WDR44: variants seen among roughly 807,000 people sequenced by gnomAD.
WDR44 encodes the protein WD repeat domain 44.
A neutral mutation model predicts 65.7 loss-of-function variants in WDR44; 9 were observed. The observed-to-expected ratio is 0.14, with a 90% CI of 0.08 to 0.24. WDR44 has a LOEUF of 0.24. Ranked by LOEUF, WDR44 falls within the 10% of genes least tolerant of loss-of-function variation. WDR44 has a pLI of 1.00. For missense variants in WDR44, 425 were observed against 670.9 expected, an observed-to-expected ratio of 0.63 and a Z score of 4.05; for synonymous variants, 220 against 235.2, an observed-to-expected ratio of 0.94 and a Z score of 0.59.
intron 2 of WDR44, among the ~76,000 whole-genome samples, chrX:118,381,800 C>T: frequency 9.2e-6 from 1 of 108,835 alleles, no homozygotes; most frequent in East Asian, 2.9e-4. Flanking sequence ...CTCAAATGAC[C>T]TCAAGTGATC....
At chrX:118,426,818 CA>C (rs2057161300) in intron 12 of WDR44, among the ~76,000 whole-genome samples, 1 of 109,585 alleles carries the variant, frequency 9.1e-6, no homozygotes, top group Admixed American at 9.7e-5. Flanking sequence ...AAAAATAGAA[CA>C]AAAAACAAAA....
intron 12 of WDR44, among the ~76,000 whole-genome samples, chrX:118,417,920 T>G (rs184358046): frequency 1.5e-3 from 169 of 112,199 alleles, no homozygotes; most frequent in Non-Finnish European, 1.3e-3. Flanking sequence ...TGGGTTAATT[T>G]GAAGACCTTG....
At chrX:118,377,314 C>T (rs373398352) in intron 1 of WDR44, among the ~76,000 whole-genome samples, 4 of 110,490 alleles carry the variant, frequency 3.6e-5, no homozygotes, top group Admixed American at 2.9e-4. Flanking sequence ...GAGCCAAGAT[C>T]ACACCACTGC....
intron 19 of WDR44, among the ~76,000 whole-genome samples, chrX:118,448,266 T>TA (rs1436849105): frequency 8.9e-6 from 1 of 111,987 alleles, no homozygotes; most frequent in Non-Finnish European, 1.9e-5. Context: ...CACCTATGTA[T>TA]AATAGAGTTA....
intron 12 of WDR44, among the ~76,000 whole-genome samples, chrX:118,419,397 T>C (rs2057085139): frequency 8.9e-6 from 1 of 112,051 alleles, no homozygotes; most frequent in East Asian, 2.8e-4. Flanking sequence ...GCTCTCTAAA[T>C]TGACTCAGCT....
At chrX:118,353,325 GT>G (rs1433973454) in intron 1 of WDR44, among the ~76,000 whole-genome samples, 1 of 111,781 alleles carries the variant, frequency 8.9e-6, no homozygotes, top group South Asian at 3.7e-4. Context: ...CAACCCTGAT[GT>G]TTTTCCTCAG....
At chrX:118,404,031 C>T (rs1456056516) in intron 8 of WDR44, among the ~76,000 whole-genome samples, 1 of 111,943 alleles carries the variant, frequency 8.9e-6, no homozygotes, top group African/African-American at 3.2e-5. Flanking sequence ...GCTGAAGTAC[C>T]TACACTTTAA....
At chrX:118,374,007 T>C (rs1420273328) in intron 1 of WDR44, among the ~76,000 whole-genome samples, 1 of 110,754 alleles carries the variant, frequency 9.0e-6, no homozygotes, top group Non-Finnish European at 1.9e-5. Flanking sequence ...GTTACGTAGA[T>C]ATACATGTGT....
Position 118,346,180 on chromosome X carries a change from G to C in WDR44, c.-324G>C. On this transcript the variant is annotated 5_prime_UTR_variant, in exon 1 of 20. Coordinates refer to ENST00000254029, the MANE Select transcript of WDR44 (RefSeq NM_019045.5). ...GGGAGAAACTGGAGCCGCTGTAGCC[G>C]GCGCGCCCTTCTTCCCTTACTGCGA... is the stretch of plus-strand genomic sequence containing the variant. 3.3e-6 allele frequency: 1 copy of C among 303,718 alleles called. No homozygotes were observed. The highest frequency in any genetic ancestry group is 5.8e-6 in the Non-Finnish European group (1 of 173,854). 25.0% of individuals were successfully genotyped at this position (303,718 alleles called of 1,213,427 possible). A position where few individuals can be genotyped will look rare whatever the true frequency, so the allele number is the denominator to read the frequency against.
intron 1 of WDR44, among the ~76,000 whole-genome samples, chrX:118,369,273 G>A (rs1041861578): frequency 9.2e-6 from 1 of 108,799 alleles, no homozygotes; most frequent in Non-Finnish European, 1.9e-5. Flanking sequence ...CCGGGTTCAC[G>A]CCATTCTCCT....
intron 8 of WDR44, 53 bp downstream of exon 8, chrX:118,398,523 A>G (rs1602922840): frequency 3.1e-6 from 3 of 980,073 alleles, no homozygotes; most frequent in South Asian, 2.0e-5. Flanking sequence ...TTAAAAAAAT[A>G]TGAGAACTAC....
At chrX:118,394,217 C>G (rs763040091) in intron 5 of WDR44, 32 bp downstream of exon 5, 23 of 1,200,191 alleles carry the variant, frequency 1.9e-5, no homozygotes, top group Non-Finnish European at 2.5e-5. Flanking sequence ...TTCATATAGA[C>G]TTTATCAGCT....
At chrX:118,372,455 T>G (rs4442306) in intron 1 of WDR44, among the ~76,000 whole-genome samples, 29,303 of 110,916 alleles carry the variant, frequency 0.26, 3,176 homozygotes, top group African/African-American at 0.39. Flanking sequence ...ACAGAGAATT[T>G]TTGAGTTGTC....
At position 118,346,492 on chromosome X, in the gene WDR44, TGTGTC is replaced by T; in HGVS notation, c.-11_-7del. On this transcript the variant is annotated 5_prime_UTR_variant, in exon 1 of 20. Coordinates refer to ENST00000254029, the MANE Select transcript of WDR44 (RefSeq NM_019045.5). Reference sequence around the variant, plus strand: ...CGGCGCCGGCCCCCTCACCCGCGGGTGTGTCCTATAAATGGCGTCGGAAAGCGACA... The same window carrying T: ...CGGCGCCGGCCCCCTCACCCGCGGGTCTATAAATGGCGTCGGAAAGCGACA... The T allele has an allele frequency of 8.3e-7, 1 of 1,205,308 alleles. No homozygotes were observed. The highest frequency in any genetic ancestry group is 1.1e-6 in the Non-Finnish European group (1 of 891,824).
chrX:118,390,372 G>A (rs1035561892), intron 3 of WDR44, among the ~76,000 whole-genome samples: 2 of 111,370 alleles, frequency 1.8e-5, no homozygotes, highest in Non-Finnish European at 3.8e-5. Flanking sequence ...GGTGTCATGA[G>A]GCATATCAAG....
intron 1 of WDR44, among the ~76,000 whole-genome samples, chrX:118,373,471 G>A (rs998365453): frequency 5.4e-5 from 6 of 111,475 alleles, no homozygotes; most frequent in Non-Finnish European, 9.4e-5. Flanking sequence ...CATGTGGAAC[G>A]TTTCATTATT....
chrX:118,407,502 C>CAAAAAAAAAA (rs11423108), intron 10 of WDR44, among the ~76,000 whole-genome samples: 1 of 56,970 alleles, frequency 1.8e-5, no homozygotes, highest in African/African-American at 6.0e-5. Flanking sequence ...AACTCCGTCT[C>CAAAAAAAAAA]AAAAAAAAAA....
At chrX:118,417,201 C>A (rs1480717847) in intron 12 of WDR44, among the ~76,000 whole-genome samples, 1 of 111,755 alleles carries the variant, frequency 8.9e-6, no homozygotes, top group Non-Finnish European at 1.9e-5. Context: ...TGAGATACCT[C>A]ATAGTGTTAT....
intron 12 of WDR44, among the ~76,000 whole-genome samples, chrX:118,418,212 G>T (rs1234617342): frequency 9.0e-6 from 1 of 110,923 alleles, no homozygotes; most frequent in Non-Finnish European, 1.9e-5. Context: ...TTATTGGTTT[G>T]GATGCATTGC....
Sources: allele counts gnomAD v4.1 joint callset (sites outside exome capture counted in the v4.1 genomes callset), GRCh38; gene constraint gnomAD v4.1.1; transcripts MANE v1.5; gene names NCBI Gene and HGNC (gene_info 2026-07-23, HGNC 2026-07-21).